SNX4: variants seen among roughly 807,000 people sequenced by gnomAD.
The protein encoded by SNX4 is sorting nexin 4, also known as sorting nexin-4.
In SNX4, 49 loss-of-function variants were observed where a neutral mutation model predicts 70.8. The ratio of observed to expected loss-of-function variants is 0.69; its 90% CI spans 0.55 to 0.88. The LOEUF is 0.88. SNX4 is among the 40% of genes least tolerant of loss of function. The pLI is 0.00. For missense variants in SNX4, 528 were observed against 544.8 expected (o/e 0.97, Z 0.31); for synonymous variants, 206 against 183.8 (o/e 1.12, Z -0.98).
intron 5 of SNX4, among the ~76,000 whole-genome samples, chr3:125,491,811 G>A (rs1417571096): frequency 6.6e-6 from 1 of 152,114 alleles, no homozygotes; most frequent in Non-Finnish European, 1.5e-5. Context: ...TGTCCGTTAA[G>A]AATATAAGAG....
chr3:125,499,048 A>C (rs1021859125), intron 2 of SNX4, among the ~76,000 whole-genome samples: 6 of 152,310 alleles, frequency 3.9e-5, no homozygotes, highest in Non-Finnish European at 8.8e-5. Context: ...AGTGGCGAAG[A>C]GGGGTCATAA....
intron 1 of SNX4, among the ~76,000 whole-genome samples, chr3:125,511,054 G>C (rs927354358): frequency 9.2e-5 from 14 of 152,174 alleles, no homozygotes; most frequent in African/African-American, 3.4e-4. Flanking sequence ...GAGTAGCTGG[G>C]ATTACAAGCA....
chr3:125,494,185 T>C (rs1367312837), intron 5 of SNX4, among the ~76,000 whole-genome samples: 1 of 152,156 alleles, frequency 6.6e-6, no homozygotes, highest in African/African-American at 2.4e-5. Context: ...GATATGACTA[T>C]TTGGTCTCAT....
At chr3:125,456,411 A>AT (rs1933716837) in intron 11 of SNX4, among the ~76,000 whole-genome samples, 1 of 152,140 alleles carries the variant, frequency 6.6e-6, no homozygotes, top group African/African-American at 2.4e-5. Flanking sequence ...CTGTAATCCT[A>AT]GCACTTTGGG....
chr3:125,490,872 A>C (rs1934644743), intron 5 of SNX4, among the ~76,000 whole-genome samples: 1 of 152,128 alleles, frequency 6.6e-6, no homozygotes, highest in Non-Finnish European at 1.5e-5. Flanking sequence ...ATCAGGAATC[A>C]ATTTCTAAAT....
At chr3:125,486,640 C>T (rs73191117) in intron 6 of SNX4, among the ~76,000 whole-genome samples, 28,975 of 151,996 alleles carry the variant, frequency 0.19, 2,755 homozygotes, top group Admixed American at 0.24. Flanking sequence ...AAAGAGAGTA[C>T]GTTACTTATA....
chr3:125,449,774 C>T (rs569600793), intron 13 of SNX4, among the ~76,000 whole-genome samples: 11 of 152,160 alleles, frequency 7.2e-5, no homozygotes, highest in South Asian at 2.1e-4. Context: ...CTAAACAAAA[C>T]GGAGGGGGAA....
chr3:125,501,840 C>A (rs1934936997), intron 2 of SNX4, among the ~76,000 whole-genome samples: 1 of 152,196 alleles, frequency 6.6e-6, no homozygotes, highest in African/African-American at 2.4e-5. Context: ...GTGTGCCACA[C>A]ATTTATTGAT....
chr3:125,504,702 CA>C lies in SNX4; in HGVS notation c.183del (p.Ser61ArgfsTer14), dbSNP rs1935010192. On this transcript the variant is annotated frameshift_variant, in exon 2 of 14. Transcript: ENST00000251775. LOFTEE classifies it high-confidence loss of function. ...NNFWLKKIEI[S>X]VSEAEKRTGR... ...CCAGTTCGTTTTTCTGCTTCTGAAACACTGATTTCTATCTTCTTCAACCAAA... is the reference window on the plus strand; with the variant it reads ...CCAGTTCGTTTTTCTGCTTCTGAAACCTGATTTCTATCTTCTTCAACCAAA... 1 of 1,613,786 alleles carries C rather than the reference CA, an allele frequency of 6.2e-7. No individual in the cohort carries two copies. Among genetic ancestry groups the C allele is most frequent in the Non-Finnish European group, 8.5e-7 (1 of 1,179,916 alleles).
chr3:125,460,693 T>A, intron 10 of SNX4, 78 bp downstream of exon 10: 1 of 601,924 alleles, frequency 1.7e-6, no homozygotes. Flanking sequence ...AACACTCTAC[T>A]ATCTGTACTT....
chr3:125,478,552 T>TA (rs1674333806), intron 7 of SNX4, among the ~76,000 whole-genome samples: 1 of 151,892 alleles, frequency 6.6e-6, no homozygotes, highest in African/African-American at 2.4e-5. Flanking sequence ...TCAAGGGAGA[T>TA]ACGGTTTGCA....
intron 5 of SNX4, among the ~76,000 whole-genome samples, chr3:125,491,636 A>C (rs992816072): frequency 1.3e-5 from 2 of 152,204 alleles, no homozygotes; most frequent in Non-Finnish European, 2.9e-5. Flanking sequence ...GATCTCTGAA[A>C]AACTACCTGG....
chr3:125,503,741 G>C (rs1266126182), intron 2 of SNX4, among the ~76,000 whole-genome samples: 1 of 152,038 alleles, frequency 6.6e-6, no homozygotes, highest in Admixed American at 6.6e-5. Flanking sequence ...CTAAGACCAA[G>C]GAATCCTCCA....
At chr3:125,519,074 CTA>C (rs1269510113) in intron 1 of SNX4, among the ~76,000 whole-genome samples, 1 of 151,942 alleles carries the variant, frequency 6.6e-6, no homozygotes, top group Non-Finnish European at 1.5e-5. Context: ...GCCTGTAGTC[CTA>C]GCTACTCAGG....
rs1934831739 is a variant in SNX4 at position 125,497,850 on chromosome 3, T to C, written c.533A>G (p.Tyr178Cys). The C allele has an allele frequency of 3.7e-6, 6 of 1,605,592 alleles. No homozygotes were observed. The highest frequency in any genetic ancestry group is 1.1e-5 in the South Asian group (1 of 88,846). The change falls in exon 4 of 14, where the codon TAT (tyrosine) becomes TGT (cysteine). Residue 178 changes from tyrosine (Y) to cysteine (C), a missense_variant. Tyr to Cys is a radical substitution (Grantham distance 194). This residue lies in a region of SNX4 where 341 missense variants were observed against 312.2 expected (regional missense o/e 1.09). Transcript: ENST00000251775. ...GAAAAATACCTGTGTTAAAAACAGA[T>C]AGAAGATTTTGTCTCTACAAAGGAT... Reference protein sequence around the residue: ...HPILCRDKIFYLFLTQEGNWK... With the variant: ...HPILCRDKIFCLFLTQEGNWK...
At chr3:125,497,791 A>T in intron 4 of SNX4, 43 bp downstream of exon 4, 1 of 1,391,326 alleles carries the variant, frequency 7.2e-7, no homozygotes, top group Non-Finnish European at 9.7e-7. Context: ...AAGAAACCCA[A>T]ATTAAATGAA....
intron 6 of SNX4, among the ~76,000 whole-genome samples, chr3:125,488,580 A>C (rs1204038132): frequency 6.6e-6 from 1 of 152,220 alleles, no homozygotes; most frequent in Non-Finnish European, 1.5e-5. Context: ...AATTTATATG[A>C]AAAATCAGGG....
intron 11 of SNX4, 130 bp from the exon 12 acceptor site, chr3:125,454,085 G>C (rs908454590): frequency 1.4e-6 from 1 of 694,662 alleles, no homozygotes; most frequent in Admixed American, 2.9e-5. Context: ...AAACCTGCAG[G>C]ACATTATGCT....
At position 125,447,135 on chromosome 3, in the gene SNX4, T is replaced by C. The variant is rs1933443777; in HGVS notation, c.*644A>G. 1 of 152,768 alleles carries C rather than the reference T, an allele frequency of 6.5e-6. No individual in the cohort carries two copies. Among genetic ancestry groups the C allele is most frequent in the East Asian group, 1.9e-4 (1 of 5,190 alleles). The allele number at this position is 152,768 out of a possible 1,614,324, so 9.5% of individuals were successfully genotyped here. ...TAGGAGTTGCTAGAGGATGACAATG[T>C]ATCCCATTATAGATCTGAGAAGTTG... On this transcript the variant is annotated 3_prime_UTR_variant, in exon 14 of 14. Transcript: ENST00000251775.
Sources: allele counts gnomAD v4.1 joint callset (sites outside exome capture counted in the v4.1 genomes callset), GRCh38; gene constraint gnomAD v4.1.1; regional missense constraint gnomAD v4.1.1; transcripts MANE v1.5; gene names NCBI Gene and HGNC (gene_info 2026-07-23, HGNC 2026-07-21).